The following ZNF821 variants were observed in gnomAD, a reference collection of about 807,000 sequenced individuals.
ZNF821 encodes the protein zinc finger protein 821.
A neutral mutation model predicts 44.3 loss-of-function variants in ZNF821; 16 were observed. The ratio of observed to expected loss-of-function variants is 0.36; its 90% CI spans 0.24 to 0.55. ZNF821 has a LOEUF of 0.55. Ranked by LOEUF, ZNF821 falls within the 20% of genes least tolerant of loss-of-function variation. The pLI is 0.86. For missense variants in ZNF821, 436 were observed against 547.6 expected (o/e 0.80, Z 2.03); for synonymous variants, 204 against 197.6 (o/e 1.03, Z -0.27).
chr16:71,859,954 C>T lies in ZNF821; in HGVS notation c.*64G>A. 5 of 1,389,884 alleles carry T rather than the reference C, an allele frequency of 3.6e-6. No homozygotes were observed. Among genetic ancestry groups the T allele is most frequent in the South Asian group, 2.8e-5 (2 of 70,450 alleles). The allele number at this position is 1,389,884 out of a possible 1,614,324, so 86.1% of individuals were successfully genotyped here. On this transcript the variant is annotated 3_prime_UTR_variant, in exon 8 of 8. Coordinates refer to ENST00000425432, the MANE Select transcript of ZNF821 (RefSeq NM_001201552.2). ...CGTGGGTGGCAGCAGCACTGGTCCTCGTGGCTGTGGGTGTGGGTGGGTGGG... is the reference window on the plus strand; with the variant it reads ...CGTGGGTGGCAGCAGCACTGGTCCTTGTGGCTGTGGGTGTGGGTGGGTGGG...
At chr16:71,894,853 A>G in intron 1 of ZNF821, 1 of 1,533,584 alleles carries the variant, frequency 6.5e-7, no homozygotes, top group Non-Finnish European at 8.7e-7. Flanking sequence ...CAAGTTAAAA[A>G]CAAAGGTAAC....
chr16:71,893,664 G>A (rs1242257058), intron 1 of ZNF821, among the ~76,000 whole-genome samples: 1 of 150,664 alleles, frequency 6.6e-6, no homozygotes, highest in Non-Finnish European at 1.5e-5. Flanking sequence ...TCACCATGTT[G>A]GCCAGGCTGG....
intron 3 of ZNF821, among the ~76,000 whole-genome samples, chr16:71,879,694 C>T (rs185400618): frequency 1.3e-5 from 2 of 152,232 alleles, no homozygotes; most frequent in East Asian, 3.9e-4. Flanking sequence ...CAACACCTCC[C>T]CCAGCAACCA....
At chr16:71,889,187 G>A (rs559696478), upstream of ZNF821, among the ~76,000 whole-genome samples, 123 of 152,254 alleles carry the variant, frequency 8.1e-4, no homozygotes, top group Non-Finnish European at 1.1e-3. Flanking sequence ...GCAGGGAGCT[G>A]TGATAGTACC....
At chr16:71,882,346 AATATAT>A (rs1056362993) in intron 2 of ZNF821, 1 of 150,254 alleles carries the variant, frequency 6.7e-6, no homozygotes, top group Non-Finnish European at 1.5e-5. Flanking sequence ...ATTGAGGCTA[AATATAT>A]ATATACTCTA....
At chr16:71,864,331 G>T in intron 5 of ZNF821, 89 bp from the exon 6 acceptor site, 1 of 1,071,136 alleles carries the variant, frequency 9.3e-7, no homozygotes, top group South Asian at 1.3e-5. Flanking sequence ...CTGTTAAAAG[G>T]AACCCAGACT....
At chr16:71,890,103 A>G (rs904661042) in intron 1 of ZNF821, among the ~76,000 whole-genome samples, 2 of 152,242 alleles carry the variant, frequency 1.3e-5, no homozygotes, top group African/African-American at 4.8e-5. Context: ...ATTTGTATAT[A>G]GCCCTAATTA....
intron 3 of ZNF821, among the ~76,000 whole-genome samples, chr16:71,875,868 G>C (rs997847893): frequency 5.3e-5 from 8 of 152,180 alleles, no homozygotes; most frequent in Non-Finnish European, 1.2e-4. Context: ...CAAAGTGCTG[G>C]GATTACAAGC....
chr16:71,859,788 C>A lies in ZNF821; in HGVS notation c.*230G>T. ...TGGCAGTGGGCTGGGGAGGCCAGTT[C>A]TCTGGACTGCCTGCTCCCTTGTCCA... On this transcript the variant is annotated 3_prime_UTR_variant, in exon 8 of 8. Coordinates refer to ENST00000425432, the MANE Select transcript of ZNF821 (RefSeq NM_001201552.2). 1 of 563,852 alleles carries A rather than the reference C, an allele frequency of 1.8e-6. No individual in the cohort carries two copies. Among genetic ancestry groups the A allele is most frequent in the Non-Finnish European group, 3.1e-6 (1 of 323,362 alleles). 34.9% of individuals were successfully genotyped at this position (563,852 alleles called of 1,614,324 possible). A position where few individuals can be genotyped will look rare whatever the true frequency, so the allele number is the denominator to read the frequency against.
chr16:71,885,984 C>G (rs1193067108), upstream of ZNF821, among the ~76,000 whole-genome samples: 1 of 152,172 alleles, frequency 6.6e-6, no homozygotes, highest in Non-Finnish European at 1.5e-5. Context: ...ACAAGTATGG[C>G]TTTATTATGT....
chr16:71,882,841 A>G (rs182931682), intron 2 of ZNF821, among the ~76,000 whole-genome samples: 5 of 152,328 alleles, frequency 3.3e-5, no homozygotes, highest in Admixed American at 6.5e-5. Context: ...GTTAAAGCTA[A>G]TAAAACCCAG....
Position 71,894,950 on chromosome 16 carries a change from C to T in ZNF821, n.387G>A, listed in dbSNP as rs566741123. On this transcript the variant is annotated non_coding_transcript_exon_variant, in exon 1 of 3. Transcript: ENST00000561700. ...CTGAGGAAACACTACTGAATTATAC[C>T]ACACAGACCGGAGCGATGCTGGTCC... is the stretch of plus-strand genomic sequence containing the variant. 6.6e-5 allele frequency: 59 copies of T among 891,132 alleles called. 1 individual carries two copies. In the East Asian group the frequency reaches 1.4e-3, roughly 22 times the overall value. 55.2% of individuals were successfully genotyped at this position (891,132 alleles called of 1,614,324 possible).
intron 3 of ZNF821, among the ~76,000 whole-genome samples, chr16:71,868,558 G>A (rs1331974857): frequency 1.3e-5 from 2 of 152,110 alleles, no homozygotes; most frequent in African/African-American, 4.8e-5. Flanking sequence ...CTTCCAAAAC[G>A]TACCCTGGAA....
chr16:71,864,863 G>C (rs745535626), intron 5 of ZNF821, 40 bp downstream of exon 5: 2 of 1,611,784 alleles, frequency 1.2e-6, no homozygotes, highest in African/African-American at 1.3e-5. Flanking sequence ...AGAAGGGTAG[G>C]GCATTGCTGG....
upstream of ZNF821, among the ~76,000 whole-genome samples, chr16:71,886,785 A>T (rs1003483293): frequency 6.6e-6 from 1 of 152,184 alleles, no homozygotes; most frequent in African/African-American, 2.4e-5. Context: ...TCATCACCCC[A>T]AAAAGAAATC....
At position 71,860,225 on chromosome 16, in the gene ZNF821, G is replaced by A. The variant is rs1158834799; in HGVS notation, c.1032C>T (p.Ile344=). The change falls in exon 8 of 8, where the codon ATC becomes ATT. Residue 344 remains isoleucine (I), a synonymous_variant. Coordinates refer to ENST00000425432, the MANE Select transcript of ZNF821 (RefSeq NM_001201552.2). This position sits in a 1 kb window ranked among gnomAD's most constrained non-coding sequence, Gnocchi z 7.3. Reference sequence around the variant, plus strand: ...TGAGCCGCTTGGCCTCTCGCTCTCGGATGAGCCGGGCCTGCCGCTTTTCCG... The same window carrying A: ...TGAGCCGCTTGGCCTCTCGCTCTCGAATGAGCCGGGCCTGCCGCTTTTCCG... The part of the protein sequence containing the change: ...ETPEKRQARL[I]REREAKRLKR... The A allele has an allele frequency of 3.7e-6, 6 of 1,614,216 alleles. No individual in the cohort carries two copies. The highest frequency in any genetic ancestry group is 2.7e-5 in the African/African-American group (2 of 75,060).
chr16:71,889,730 G>A (rs557826480), upstream of ZNF821, among the ~76,000 whole-genome samples: 28 of 151,950 alleles, frequency 1.8e-4, no homozygotes, highest in African/African-American at 6.3e-4. Flanking sequence ...AAGAAAACCC[G>A]AAAAAACCTG....
chr16:71,881,037 G>C (rs1184520360), intron 2 of ZNF821, among the ~76,000 whole-genome samples: 1 of 152,152 alleles, frequency 6.6e-6, no homozygotes, highest in Admixed American at 6.5e-5. Flanking sequence ...AGTGAATAAA[G>C]ACATAGAATA....
Position 71,859,834 on chromosome 16 carries a change from C to T in ZNF821, c.*184G>A. On this transcript the variant is annotated 3_prime_UTR_variant, in exon 8 of 8. Coordinates refer to ENST00000425432, the MANE Select transcript of ZNF821 (RefSeq NM_001201552.2). ...GTCCAGAGCTGCCTTGAGCCAGGTCCCTCCTGACCCCATCATCCTGTTCCC... is the reference window on the plus strand; with the variant it reads ...GTCCAGAGCTGCCTTGAGCCAGGTCTCTCCTGACCCCATCATCCTGTTCCC... The T allele has an allele frequency of 1.5e-6, 1 of 680,736 alleles. No individual in the cohort carries two copies. 42.2% of individuals were successfully genotyped at this position (680,736 alleles called of 1,614,324 possible).
Sources: allele counts gnomAD v4.1 joint callset (sites outside exome capture counted in the v4.1 genomes callset), GRCh38; gene constraint gnomAD v4.1.1; non-coding constraint Gnocchi (gnomAD v3.1); transcripts MANE v1.5; gene names NCBI Gene and HGNC (gene_info 2026-07-23, HGNC 2026-07-21).